Variants in NLGN4X observed in about 807,000 individuals in gnomAD.
NLGN4X encodes the protein neuroligin-4, X-linked.
In NLGN4X, 3 loss-of-function variants were observed where a neutral mutation model predicts 40.3. The observed-to-expected ratio is 0.07, with a 90% CI of 0.03 to 0.19. NLGN4X has a LOEUF of 0.19. NLGN4X is among the 10% of genes least tolerant of loss of function. The probability of loss-of-function intolerance (pLI) is 1.00; values close to 1 mark genes in which losing one functional copy is unlikely to be tolerated. For missense variants in NLGN4X, 382 were observed against 708.3 expected (o/e 0.54, Z 5.23); for synonymous variants, 270 against 306.8 (o/e 0.88, Z 1.25).
At chrX:6,000,313 T>C (rs953750445) in intron 3 of NLGN4X, among the ~76,000 whole-genome samples, 1 of 112,487 alleles carries the variant, frequency 8.9e-6, no homozygotes, top group African/African-American at 3.2e-5. Context: ...GGCGTTTGGT[T>C]TCTTAGAAAA....
rs1382630155 is a variant in NLGN4X, at chrX:5,925,847, T to TAC, written c.626-16610_626-16609dup. Among the ~76,000 whole-genome samples, 89 of 36,170 alleles carry TAC rather than the reference T, an allele frequency of 2.5e-3. 3 individuals are homozygous for TAC. Among genetic ancestry groups the TAC allele is most frequent in the African/African-American group, 0.012 (62 of 5,381 alleles). 31.4% of individuals were successfully genotyped at this position (36,170 alleles called of 115,157 possible). On this transcript the variant is annotated intron_variant, in intron 3 of 5. Transcript: ENST00000381095. ...CACCATATATATATATATATATACA[T>TAC]ACACATATATATATATATATATATA...
intron 3 of NLGN4X, among the ~76,000 whole-genome samples, chrX:6,019,614 A>T (rs2036482649): frequency 9.0e-6 from 1 of 111,483 alleles, no homozygotes; most frequent in African/African-American, 3.3e-5. Context: ...TCTCCCTGGA[A>T]CTTTCCATCA....
chrX:5,997,587 T>TATATATATACACATATATATATACAC (rs1569177171), intron 3 of NLGN4X, among the ~76,000 whole-genome samples: 1 of 41,436 alleles, frequency 2.4e-5, no homozygotes, highest in South Asian at 1.4e-3. Flanking sequence ...TGTGTGTGTG[T>TATATATATACACATATATATATACAC]ATATATATAT....
chrX:5,970,709 G>T (rs773700857), intron 3 of NLGN4X, among the ~76,000 whole-genome samples: 1 of 111,863 alleles, frequency 8.9e-6, no homozygotes, highest in Non-Finnish European at 1.9e-5. Context: ...CAACTGGTAA[G>T]CTCTTAGAAG....
In NLGN4X at chrX:5,892,707, T is replaced by C. The variant is rs1011168104; in HGVS notation, c.*110A>G. The C allele has an allele frequency of 7.3e-6, 8 of 1,089,015 alleles. No individual in the cohort carries two copies. The highest frequency in any genetic ancestry group is 6.4e-5 in the East Asian group (2 of 31,156). 89.7% of individuals were successfully genotyped at this position (1,089,015 alleles called of 1,213,427 possible). On this transcript the variant is annotated 3_prime_UTR_variant, in exon 6 of 6. Coordinates refer to ENST00000381095, the MANE Select transcript of NLGN4X (RefSeq NM_181332.3). ...GTCTTAAGTCAGTGGGACAAAAACA[T>C]TCCTGGTCTGGAGACTTTCTTTCTC...
intron 2 of NLGN4X, among the ~76,000 whole-genome samples, chrX:6,045,505 T>C (rs2037294754): frequency 9.0e-6 from 1 of 111,534 alleles, no homozygotes; most frequent in South Asian, 3.7e-4. Context: ...TAATAAGGAA[T>C]TAGGTTGACT....
At chrX:6,078,716 A>G (rs1424135162) in intron 2 of NLGN4X, among the ~76,000 whole-genome samples, 1 of 77,286 alleles carries the variant, frequency 1.3e-5, no homozygotes, top group Non-Finnish European at 2.7e-5. Flanking sequence ...ACCATTCCTG[A>G]GTGTGGCCCT....
chrX:6,044,994 G>A (rs749580626), intron 2 of NLGN4X, among the ~76,000 whole-genome samples: 7 of 111,913 alleles, frequency 6.3e-5, no homozygotes, highest in South Asian at 7.4e-4. Flanking sequence ...AAAAGGATGC[G>A]TTGGCAAAGC....
intron 1 of NLGN4X, among the ~76,000 whole-genome samples, chrX:6,167,069 CAAA>C (rs869227439): frequency 0.01 from 594 of 59,234 alleles, 1 homozygote; most frequent in Middle Eastern, 0.045. Flanking sequence ...GAAACTGTCT[CAAA>C]AAAAAAAAAA....
At chrX:6,052,439 C>A (rs2037516340) in intron 2 of NLGN4X, among the ~76,000 whole-genome samples, 1 of 112,198 alleles carries the variant, frequency 8.9e-6, no homozygotes, top group Admixed American at 9.5e-5. Context: ...TTAGCCAGCC[C>A]CACAAATTCC....
chrX:6,179,219 G>A (rs1249982217), intron 1 of NLGN4X, among the ~76,000 whole-genome samples: 1 of 111,076 alleles, frequency 9.0e-6, no homozygotes, highest in African/African-American at 3.3e-5. Context: ...TCAAACACAA[G>A]CTTTTGAAGG....
At chrX:5,997,322 T>G (rs779526266) in intron 3 of NLGN4X, among the ~76,000 whole-genome samples, 92 of 107,248 alleles carry the variant, frequency 8.6e-4, no homozygotes, top group African/African-American at 3.1e-3. Flanking sequence ...GTTATATATA[T>G]TAATACCTCA....
chrX:6,142,597 AAC>A (rs772072900), intron 2 of NLGN4X, among the ~76,000 whole-genome samples: 2 of 112,516 alleles, frequency 1.8e-5, no homozygotes, highest in Non-Finnish European at 3.7e-5. Context: ...TCACCGTGTT[AAC>A]ACAGTTTTCG....
rs186824223 is a variant in NLGN4X at position 6,110,298 on chromosome X, G to T, written c.472+40697C>A. On this transcript the variant is annotated intron_variant, in intron 2 of 5. Transcript: ENST00000381095. ...AGTCAAGTGGAAAGAACTTCCCAGG[G>T]CTCTGCTGTTCCCTCTCTGCCCTCA... is the stretch of plus-strand genomic sequence containing the variant. Among the ~76,000 whole-genome samples the T allele has an allele frequency of 1.7e-3, 189 of 111,217 alleles. 2 individuals are homozygous for T. Among genetic ancestry groups the T allele is most frequent in the African/African-American group, 5.9e-3 (181 of 30,600 alleles).
At chrX:5,934,936 G>A (rs2033684482) in intron 3 of NLGN4X, among the ~76,000 whole-genome samples, 1 of 111,946 alleles carries the variant, frequency 8.9e-6, no homozygotes, top group African/African-American at 3.2e-5. Context: ...GGACTGAATG[G>A]CAAGTCTACC....
At position 6,212,325 on chromosome X, in the gene NLGN4X, T is replaced by TA. The variant is rs1314214360; in HGVS notation, c.-306+16215dup. 2.2e-4 allele frequency among the ~76,000 whole-genome samples: 23 copies of TA among 105,822 alleles called. No homozygotes were observed. The South Asian group carries it at 2.9e-3, about 13-fold the overall frequency. 91.9% of individuals were successfully genotyped at this position (105,822 alleles called of 115,157 possible). On this transcript the variant is annotated intron_variant, in intron 1 of 5. Transcript: ENST00000381095. ...AGAGAATAGATCCAGTTACATGAATTAAAAAAAAAAGACTGCTTCTTAAGC... is the reference window on the plus strand; with the variant it reads ...AGAGAATAGATCCAGTTACATGAATTAAAAAAAAAAAGACTGCTTCTTAAGC...
intron 2 of NLGN4X, among the ~76,000 whole-genome samples, chrX:6,067,063 T>C (rs1214933959): frequency 9.0e-6 from 1 of 111,029 alleles, no homozygotes; most frequent in Admixed American, 9.5e-5. Context: ...AAACTAGGAT[T>C]GTACCACTGC....
At chrX:6,047,487 A>C (rs2037357169) in intron 2 of NLGN4X, among the ~76,000 whole-genome samples, 1 of 111,417 alleles carries the variant, frequency 9.0e-6, no homozygotes, top group African/African-American at 3.3e-5. Flanking sequence ...AAAACAAAAC[A>C]AAATTTTTAA....
chrX:6,030,392 A>ATTGTGTGTG (rs56353701), intron 2 of NLGN4X, among the ~76,000 whole-genome samples: 16 of 68,285 alleles, frequency 2.3e-4, no homozygotes, highest in South Asian at 1.2e-3. Context: ...CTGGATACAG[A>ATTGTGTGTG]TATGTGTGTG....
Sources: gnomAD v4.1 joint callset for allele counts (sites outside exome capture counted in the v4.1 genomes callset) on GRCh38, gnomAD v4.1.1 for gene constraint, MANE v1.5 for transcripts, NCBI Gene and HGNC (gene_info 2026-07-23, HGNC 2026-07-21) for gene names.